Variants in ALDH1A2 observed in about 807,000 individuals in gnomAD.
The protein encoded by ALDH1A2 is aldehyde dehydrogenase 1 family member A2, also known as retinal dehydrogenase 2.
Under a neutral mutation model 60.3 loss-of-function variants are expected in ALDH1A2, and 27 were observed. The observed-to-expected ratio is 0.45, with a 90% confidence interval of 0.33 to 0.62. ALDH1A2 has a LOEUF of 0.62. Among genes scored for constraint, ALDH1A2 ranks in the 20% least tolerant of loss-of-function variants. The pLI, the probability that ALDH1A2 is intolerant of heterozygous loss-of-function variation, is 0.02. For synonymous variants in ALDH1A2, 289 were observed against 232.4 expected, an observed-to-expected ratio of 1.24 and a Z score of -2.21; for missense variants, 581 against 643.8, an observed-to-expected ratio of 0.90 and a Z score of 1.06.
At chr15:57,975,365 C>A (rs1186444788) in intron 7 of ALDH1A2, among the ~76,000 whole-genome samples, 2 of 152,236 alleles carry the variant, frequency 1.3e-5, no homozygotes, top group African/African-American at 4.8e-5. Flanking sequence ...TCATCATTGG[C>A]TGAATGGCTA....
chr15:58,065,490 T>C lies in ALDH1A2; in HGVS notation c.117+44A>G, dbSNP rs376882170. 2.5e-5 allele frequency: 37 copies of C among 1,503,120 alleles called. No homozygotes were observed. The African/African-American group carries it at 5.0e-4, about 20-fold the overall frequency. The allele number at this position is 1,503,120 out of a possible 1,614,324, so 93.1% of individuals were successfully genotyped here. On this transcript the variant is annotated intron_variant, in intron 1 of 12. Transcript: ENST00000249750. ...AGAGATCGGGGAAACCGAAGAAGGT[T>C]CTAGAAAGTCTCCGTGGACGACGGG... is the stretch of plus-strand genomic sequence containing the variant.
In ALDH1A2 at chr15:57,992,626, G is replaced by T. The variant is rs1433536580; in HGVS notation, c.798+79C>A. On this transcript the variant is annotated intron_variant, in intron 7 of 12. Transcript: ENST00000249750. Reference sequence around the variant, plus strand: ...TGCCCTTTTGGTGTCTAGCCTATGGGTACTAGTTTTATTGTTTTTGTAACC... The same window carrying T: ...TGCCCTTTTGGTGTCTAGCCTATGGTTACTAGTTTTATTGTTTTTGTAACC... The T allele has an allele frequency of 3.1e-6, 4 of 1,307,988 alleles. No individual in the cohort carries two copies. The South Asian group carries it at 4.7e-5, about 16-fold the overall frequency. 81.0% of individuals were successfully genotyped at this position (1,307,988 alleles called of 1,614,324 possible).
intron 7 of ALDH1A2, among the ~76,000 whole-genome samples, chr15:57,972,935 T>C (rs778315698): frequency 6.6e-6 from 1 of 152,298 alleles, no homozygotes; most frequent in East Asian, 1.9e-4. Context: ...ACCTGATTCA[T>C]GACTCAAGCA....
chr15:57,958,209 C>T (rs966767513), intron 12 of ALDH1A2, among the ~76,000 whole-genome samples: 11 of 150,424 alleles, frequency 7.3e-5, no homozygotes, highest in South Asian at 2.1e-4. Context: ...TGCGTGTACA[C>T]GCACGCACAC....
rs200758020 is a variant in ALDH1A2 at position 57,960,754 on chromosome 15, C to A, written c.1484+16G>T. On this transcript the variant is annotated intron_variant, in intron 12 of 12. Transcript: ENST00000249750. ...CAATCTATTTCTCTGCAGGCATCAGCAACTTTAAGACTTACATTTCTCTCC... is the reference window on the plus strand; with the variant it reads ...CAATCTATTTCTCTGCAGGCATCAGAAACTTTAAGACTTACATTTCTCTCC... The A allele has an allele frequency of 2.5e-6, 4 of 1,611,000 alleles. No individual in the cohort carries two copies. In the Admixed American group the frequency reaches 6.7e-5, roughly 27 times the overall value.
chr15:57,969,367 TAC>T (rs1433885225), intron 7 of ALDH1A2, among the ~76,000 whole-genome samples: 2 of 152,208 alleles, frequency 1.3e-5, no homozygotes, highest in Non-Finnish European at 2.9e-5. Context: ...CAGATTAAAT[TAC>T]AGTTCCTCAG....
chr15:58,064,107 A>G (rs1281668779), intron 1 of ALDH1A2, among the ~76,000 whole-genome samples: 1 of 152,100 alleles, frequency 6.6e-6, no homozygotes, highest in Non-Finnish European at 1.5e-5. Context: ...TCCTGTGTAG[A>G]TCTTCCATTT....
rs373241955 is a variant in ALDH1A2, at chr15:58,027,404, A to G, written c.118-13123T>C. Among the ~76,000 whole-genome samples, 93 of 152,320 alleles carry G rather than the reference A, an allele frequency of 6.1e-4. 1 individual carries two copies. The South Asian group carries it at 0.019, about 31-fold the overall frequency. On this transcript the variant is annotated intron_variant, in intron 1 of 12. Coordinates refer to ENST00000249750, the MANE Select transcript of ALDH1A2 (RefSeq NM_003888.4). ...CATTTGTAGGTCACCAATATCAAAG[A>G]CCAAAGGTAGATAAAACCACAAAGA...
intron 7 of ALDH1A2, among the ~76,000 whole-genome samples, chr15:57,975,054 C>G (rs1894201586): frequency 6.6e-6 from 1 of 152,224 alleles, no homozygotes; most frequent in African/African-American, 2.4e-5. Flanking sequence ...ATGTAAAAGA[C>G]TAACCACATC....
intron 1 of ALDH1A2, chr15:58,038,729 T>G (rs550860679): frequency 6.6e-6 from 1 of 151,854 alleles, no homozygotes; most frequent in African/African-American, 2.4e-5. Context: ...CCATCAATAT[T>G]GTGGTAGAAG....
chr15:58,021,110 CTA>C lies in ALDH1A2; in HGVS notation c.118-6831_118-6830del, dbSNP rs1395326899. ...TCTTTTCCTGTCTTTCTGCTCTCAA[CTA>C]TATCTTTATTATTTTGATGTGTCTC... is the stretch of plus-strand genomic sequence containing the variant. On this transcript the variant is annotated intron_variant, in intron 1 of 12. Coordinates refer to ENST00000249750, the MANE Select transcript of ALDH1A2 (RefSeq NM_003888.4). Among the ~76,000 whole-genome samples, 5 of 152,260 alleles carry C rather than the reference CTA, an allele frequency of 3.3e-5. No individual in the cohort carries two copies. In the South Asian group the frequency reaches 8.3e-4, roughly 25 times the overall value.
intron 3 of ALDH1A2, among the ~76,000 whole-genome samples, chr15:58,012,756 T>C (rs1385254664): frequency 1.3e-5 from 2 of 151,812 alleles, no homozygotes; most frequent in South Asian, 2.1e-4. Flanking sequence ...AGGGGGATGG[T>C]AGAAGGGAAG....
intron 12 of ALDH1A2, among the ~76,000 whole-genome samples, chr15:57,958,903 G>A (rs1893631084): frequency 6.6e-6 from 1 of 152,142 alleles, no homozygotes. Flanking sequence ...TTTTTTAACT[G>A]CACTGAGAAG....
At chr15:57,972,299 C>T (rs2140462195) in intron 7 of ALDH1A2, among the ~76,000 whole-genome samples, 1 of 152,146 alleles carries the variant, frequency 6.6e-6, no homozygotes, top group East Asian at 1.9e-4. Flanking sequence ...AATTGGTTCC[C>T]CTTTGCTGTG....
At chr15:57,984,321 A>T (rs1482764302) in intron 7 of ALDH1A2, among the ~76,000 whole-genome samples, 1 of 152,120 alleles carries the variant, frequency 6.6e-6, no homozygotes, top group Non-Finnish European at 1.5e-5. Context: ...TTAATATCCA[A>T]AATGTAAAGC....
In ALDH1A2 at chr15:57,995,058, G is replaced by C. The variant is rs1895005274; in HGVS notation, c.555+20C>G. The C allele has an allele frequency of 6.3e-7, 1 of 1,598,240 alleles. No homozygotes were observed. Among genetic ancestry groups the C allele is most frequent in the Non-Finnish European group, 8.6e-7 (1 of 1,165,972 alleles). ...TGGGTCAAATGAAAATAAATACGAG[G>C]TGCGAGGAAATACACTCACTGGGAT... On this transcript the variant is annotated intron_variant, in intron 5 of 12. Coordinates refer to ENST00000249750, the MANE Select transcript of ALDH1A2 (RefSeq NM_003888.4).
At chr15:58,003,920 C>T (rs1326353615) in intron 4 of ALDH1A2, among the ~76,000 whole-genome samples, 1 of 151,814 alleles carries the variant, frequency 6.6e-6, no homozygotes, top group Non-Finnish European at 1.5e-5. Flanking sequence ...ACAATGGCTC[C>T]ATTGGGTACC....
intron 7 of ALDH1A2, chr15:57,990,613 G>A (rs1158234424): frequency 1.3e-5 from 2 of 152,162 alleles, no homozygotes; most frequent in Non-Finnish European, 2.9e-5. Flanking sequence ...CGTGGCTCAT[G>A]CCTGTAATCC....
At chr15:58,022,060 C>T (rs1348586409) in intron 1 of ALDH1A2, among the ~76,000 whole-genome samples, 5 of 152,178 alleles carry the variant, frequency 3.3e-5, no homozygotes, top group African/African-American at 1.2e-4. Context: ...AGTGGCAGGG[C>T]CTCAATGCAG....
Sources: gnomAD v4.1 joint callset for allele counts (sites outside exome capture counted in the v4.1 genomes callset) on GRCh38, gnomAD v4.1.1 for gene constraint, MANE v1.5 for transcripts, NCBI Gene and HGNC (gene_info 2026-07-23, HGNC 2026-07-21) for gene names.